Variants in CMTM8 observed in about 807,000 individuals in gnomAD.
The protein encoded by CMTM8 is CKLF like MARVEL transmembrane domain containing 8, also known as CKLF-like MARVEL transmembrane domain-containing protein 8.
A neutral mutation model predicts 18.6 loss-of-function variants in CMTM8; 12 were observed. The ratio of observed to expected loss-of-function variants is 0.65; its 90% CI spans 0.41 to 1.05. The LOEUF is 1.05. Among genes scored for constraint, CMTM8 ranks in the 50% least tolerant of loss-of-function variants. The pLI is 0.00. For missense variants in CMTM8, 217 were observed against 227.2 expected (o/e 0.95, Z 0.29); for synonymous variants, 87 against 90.6 (o/e 0.96, Z 0.23).
At position 32,361,286 on chromosome 3, in the gene CMTM8, G is replaced by GTTTGTTTTTTTTTTTT. The variant is rs140270969; in HGVS notation, c.321+3743_321+3744insGTTTTTTTTTTTTTTT. On this transcript the variant is annotated intron_variant, in intron 2 of 3. Coordinates refer to ENST00000307526, the MANE Select transcript of CMTM8 (RefSeq NM_178868.5). ...GTGAGCCACGGCGCCCAGCCTAAGA[G>GTTTGTTTTTTTTTTTT]TTTTTTTTTCTTTCAAATTTTGGAA... is the stretch of plus-strand genomic sequence containing the variant. Among the ~76,000 whole-genome samples the GTTTGTTTTTTTTTTTT allele has an allele frequency of 2.0e-3, 174 of 87,198 alleles. 5 individuals carry two copies. Among genetic ancestry groups the GTTTGTTTTTTTTTTTT allele is most frequent in the Middle Eastern group, 7.1e-3 (1 of 140 alleles). The allele number at this position is 87,198 out of a possible 152,430, so 57.2% of individuals were successfully genotyped here.
intron 1 of CMTM8, among the ~76,000 whole-genome samples, chr3:32,357,013 G>GGC (rs1191342438): frequency 2.0e-5 from 3 of 152,172 alleles, no homozygotes; most frequent in Non-Finnish European, 4.4e-5. Flanking sequence ...GGCATTTGTA[G>GGC]GCACATGAGT....
rs1575166492 is a variant in CMTM8 at position 32,300,400 on chromosome 3, A to AT, written c.148-56969dup. On this transcript the variant is annotated intron_variant, in intron 1 of 3. Coordinates refer to ENST00000307526, the MANE Select transcript of CMTM8 (RefSeq NM_178868.5). ...ACAGAAAAGTAGGGGAAATTTTTAG[A>AT]TTTTATGGCTGGCTTTGGGGAAAAG... is the stretch of plus-strand genomic sequence containing the variant. 2.6e-5 allele frequency among the ~76,000 whole-genome samples: 4 copies of AT among 152,222 alleles called. No individual in the cohort carries two copies. The South Asian group carries it at 8.3e-4, about 32-fold the overall frequency.
chr3:32,320,625 T>C (rs1696026194), intron 1 of CMTM8, among the ~76,000 whole-genome samples: 1 of 152,234 alleles, frequency 6.6e-6, no homozygotes, highest in Non-Finnish European at 1.5e-5. Flanking sequence ...ATATGAATTA[T>C]CTCTCAATAA....
intron 1 of CMTM8, among the ~76,000 whole-genome samples, chr3:32,285,702 A>G (rs944394153): frequency 6.6e-6 from 1 of 152,250 alleles, no homozygotes; most frequent in East Asian, 1.9e-4. Context: ...TTATGAGTCT[A>G]TAATTAAAAA....
chr3:32,317,517 A>C (rs2053280), intron 1 of CMTM8, among the ~76,000 whole-genome samples: 77,877 of 152,040 alleles, frequency 0.51, 21,131 homozygotes, highest in African/African-American at 0.71. Flanking sequence ...ATTGGCCTAA[A>C]CTTTATGAAA....
chr3:32,316,635 G>A lies in CMTM8; in HGVS notation c.148-40738G>A, dbSNP rs141633063. 3.4e-4 allele frequency among the ~76,000 whole-genome samples: 52 copies of A among 151,928 alleles called. 1 individual carries two copies. The East Asian group carries it at 9.7e-3, about 28-fold the overall frequency. ...TATGCTACCTGAATATCAAGTGAAA[G>A]CTGCACATAAAAGATCCTGCTTGTT... On this transcript the variant is annotated intron_variant, in intron 1 of 3. Transcript: ENST00000307526.
intron 1 of CMTM8, among the ~76,000 whole-genome samples, chr3:32,321,485 C>G (rs1053742196): frequency 6.6e-6 from 1 of 152,098 alleles, no homozygotes; most frequent in African/African-American, 2.4e-5. Context: ...GAGCCCCCAC[C>G]CTAGGACCCC....
At chr3:32,356,387 G>A (rs1696813782) in intron 1 of CMTM8, among the ~76,000 whole-genome samples, 1 of 152,214 alleles carries the variant, frequency 6.6e-6, no homozygotes, top group African/African-American at 2.4e-5. Flanking sequence ...GTGCTAGAAT[G>A]TGAGTGCATA....
intron 1 of CMTM8, chr3:32,259,725 A>C (rs4245884): frequency 0.74 from 766,658 of 1,031,654 alleles, 290,830 homozygotes; most frequent in Middle Eastern, 0.82. Context: ...GCTCGGAAGA[A>C]CTGAGAGGAG....
At chr3:32,263,968 G>A (rs1191112326) in intron 1 of CMTM8, among the ~76,000 whole-genome samples, 1 of 152,214 alleles carries the variant, frequency 6.6e-6, no homozygotes, top group African/African-American at 2.4e-5. Context: ...CCAAATCTAT[G>A]TCTGATTGGT....
intron 1 of CMTM8, among the ~76,000 whole-genome samples, chr3:32,332,038 GCACA>G (rs3060733): frequency 6.7e-6 from 1 of 150,322 alleles, no homozygotes; most frequent in African/African-American, 2.4e-5. Flanking sequence ...GACCACACGC[GCACA>G]CACACACACA....
At chr3:32,281,418 T>G (rs1702608806) in intron 1 of CMTM8, among the ~76,000 whole-genome samples, 1 of 152,076 alleles carries the variant, frequency 6.6e-6, no homozygotes, top group Non-Finnish European at 1.5e-5. Flanking sequence ...GGGAGGGAAA[T>G]CTTACCTTTT....
intron 1 of CMTM8, among the ~76,000 whole-genome samples, chr3:32,257,316 T>C (rs2125535063): frequency 6.6e-6 from 1 of 152,352 alleles, no homozygotes; most frequent in East Asian, 1.9e-4. Context: ...TTTTGGGCTC[T>C]TTATAAGTAC....
chr3:32,349,354 G>T (rs575582748), intron 1 of CMTM8, among the ~76,000 whole-genome samples: 2 of 152,030 alleles, frequency 1.3e-5, no homozygotes, highest in African/African-American at 2.4e-5. Context: ...TGCTAATGAA[G>T]ACCTGGCTGC....
At chr3:32,261,870 C>G (rs747829242) in intron 1 of CMTM8, among the ~76,000 whole-genome samples, 6 of 152,164 alleles carry the variant, frequency 3.9e-5, no homozygotes, top group Non-Finnish European at 8.8e-5. Context: ...TAATATGTCC[C>G]TTTCATGGGA....
rs118048123 is a variant in CMTM8, at chr3:32,309,527, C to G, written c.148-47846C>G. Among the ~76,000 whole-genome samples, 344 of 151,932 alleles carry G rather than the reference C, an allele frequency of 2.3e-3. 2 individuals are homozygous for G. The East Asian group carries it at 0.028, about 12-fold the overall frequency. On this transcript the variant is annotated intron_variant, in intron 1 of 3. Transcript: ENST00000307526. ...TTTGCCGTCTTGGCCAGGCTGGTCT[C>G]GATGTCCTGACCTCAGGTGATGCAC...
intron 1 of CMTM8, among the ~76,000 whole-genome samples, chr3:32,251,544 G>A (rs1439597512): frequency 6.6e-6 from 1 of 151,978 alleles, no homozygotes; most frequent in East Asian, 2.0e-4. Context: ...GAACTCCTGG[G>A]CTCAAGCAGT....
intron 1 of CMTM8, among the ~76,000 whole-genome samples, chr3:32,296,345 G>C (rs536622095): frequency 6.6e-6 from 1 of 152,118 alleles, no homozygotes; most frequent in Non-Finnish European, 1.5e-5. Flanking sequence ...AGCCCCCTCC[G>C]GAGTAGGCTT....
chr3:32,270,094 T>A (rs567516530), intron 1 of CMTM8, among the ~76,000 whole-genome samples: 2,137 of 151,886 alleles, frequency 0.014, 50 homozygotes, highest in Middle Eastern at 0.054. Context: ...TTAAAAAAAA[T>A]TTTTTTGTGT....
Sources: gnomAD v4.1 joint callset for allele counts (sites outside exome capture counted in the v4.1 genomes callset) on GRCh38, gnomAD v4.1.1 for gene constraint, MANE v1.5 for transcripts, NCBI Gene and HGNC (gene_info 2026-07-23, HGNC 2026-07-21) for gene names.